MKLN1: variants seen among roughly 807,000 people sequenced by gnomAD.
The protein encoded by MKLN1 is muskelin 1.
MKLN1 carries 18 observed loss-of-function variants against 99.0 expected under a neutral mutation model. The ratio of observed to expected loss-of-function variants is 0.18; its 90% CI spans 0.13 to 0.27. MKLN1 has a LOEUF of 0.27. Among genes scored for constraint, MKLN1 ranks in the 10% least tolerant of loss-of-function variants. The probability of loss-of-function intolerance (pLI) is 1.00; values close to 1 mark genes in which losing one functional copy is unlikely to be tolerated. For missense variants in MKLN1, 621 were observed against 875.9 expected (o/e 0.71, Z 3.67); for synonymous variants, 288 against 293.2 (o/e 0.98, Z 0.18).
chr7:131,377,836 C>T (rs910946146), intron 2 of MKLN1, among the ~76,000 whole-genome samples: 4 of 151,920 alleles, frequency 2.6e-5, no homozygotes, highest in African/African-American at 4.8e-5. Context: ...CATCAGATAC[C>T]CTGAAACATT....
intron 1 of MKLN1, among the ~76,000 whole-genome samples, chr7:131,136,122 G>A (rs115506935): frequency 0.015 from 2,293 of 152,242 alleles, 67 homozygotes; most frequent in African/African-American, 0.053. Flanking sequence ...TCAGAGGGGG[G>A]CCTCAGGGAC....
chr7:131,311,790 T>C (rs1226232313), intron 3 of MKLN1, among the ~76,000 whole-genome samples: 3 of 151,766 alleles, frequency 2.0e-5, no homozygotes, highest in African/African-American at 7.3e-5. Context: ...CCAAAGACCT[T>C]ATAAAGACGG....
intron 3 of MKLN1, among the ~76,000 whole-genome samples, chr7:131,209,607 TA>T (rs1796870804): frequency 2.6e-5 from 4 of 152,218 alleles, no homozygotes; most frequent in Non-Finnish European, 5.9e-5. Context: ...AAGACTCTGA[TA>T]AATCCCTCCC....
intron 3 of MKLN1, chr7:131,243,097 A>C (rs1292446785): frequency 1.2e-5 from 5 of 415,794 alleles, no homozygotes; most frequent in African/African-American, 6.1e-5. Context: ...CGTCCTAGTG[A>C]AGTACATTTG....
chr7:131,353,258 T>A (rs1321816916), intron 1 of MKLN1, among the ~76,000 whole-genome samples: 1 of 152,190 alleles, frequency 6.6e-6, no homozygotes, highest in Non-Finnish European at 1.5e-5. Context: ...CTCTGAATCC[T>A]TGTGAGCATT....
At chr7:131,435,342 T>C (rs1281693660) in intron 9 of MKLN1, among the ~76,000 whole-genome samples, 1 of 152,194 alleles carries the variant, frequency 6.6e-6, no homozygotes, top group Non-Finnish European at 1.5e-5. Flanking sequence ...CTTCCCCATT[T>C]CTTCCTCCTT....
At chr7:131,123,877 G>T (rs1795414971) in intron 1 of MKLN1, among the ~76,000 whole-genome samples, 1 of 152,154 alleles carries the variant, frequency 6.6e-6, no homozygotes, top group Admixed American at 6.5e-5. Flanking sequence ...TAAGTAGGTA[G>T]GTAGGTAGAC....
chr7:131,146,307 A>T (rs1387578814), intron 2 of MKLN1, among the ~76,000 whole-genome samples: 1 of 152,172 alleles, frequency 6.6e-6, no homozygotes, highest in East Asian at 1.9e-4. Flanking sequence ...ATGCCACTGC[A>T]CTCCAGCTTG....
rs1323970805 is a variant in MKLN1, at chr7:131,192,078, CATATATATTATATATATATGTAT to C, written c.-296-10760_-296-10738del. ...CATGTATATATATATTATATATATACATATATATTATATATATATGTATATATATATTATATATATACGTATAT... is the reference window on the plus strand; with the variant it reads ...CATGTATATATATATTATATATATACATATATATTATATATATACGTATAT... On this transcript the variant is annotated intron_variant, in intron 2 of 7. Transcript: ENST00000416992. Among the ~76,000 whole-genome samples, 20 of 84,092 alleles carry C rather than the reference CATATATATTATATATATATGTAT, an allele frequency of 2.4e-4. 2 individuals carry two copies. Among genetic ancestry groups the C allele is most frequent in the Admixed American group, 6.0e-4 (4 of 6,700 alleles). The allele number at this position is 84,092 out of a possible 152,430, so 55.2% of individuals were successfully genotyped here. A position where few individuals can be genotyped will look rare whatever the true frequency, so the allele number is the denominator to read the frequency against.
At chr7:131,481,827 AAAAAAC>A (rs1027882041) in intron 17 of MKLN1, among the ~76,000 whole-genome samples, 1 of 151,910 alleles carries the variant, frequency 6.6e-6, no homozygotes, top group Non-Finnish European at 1.5e-5. Flanking sequence ...AAAAAAAAAA[AAAAAAC>A]CTCAGCCGAA....
chr7:131,375,406 ATACT>A lies in MKLN1; in HGVS notation c.99-16_99-13del. ...CTATTCATGTTCTCTTAATTTTTTA[ATACT>A]TTCTTTATTCCAGGAACATTTTAGT... On this transcript the variant is annotated splice_polypyrimidine_tract_variant and intron_variant, in intron 1 of 17. Transcript: ENST00000352689. 1 of 1,568,780 alleles carries A rather than the reference ATACT, an allele frequency of 6.4e-7. No individual in the cohort carries two copies. The highest frequency in any genetic ancestry group is 8.8e-7 in the Non-Finnish European group (1 of 1,139,240).
upstream of MKLN1, among the ~76,000 whole-genome samples, chr7:131,325,109 T>C (rs1798857845): frequency 6.6e-6 from 1 of 152,102 alleles, no homozygotes; most frequent in African/African-American, 2.4e-5. Flanking sequence ...ATTCATTCAC[T>C]CTTTGATAAA....
chr7:131,286,690 C>T (rs1392431099), intron 3 of MKLN1, among the ~76,000 whole-genome samples: 1 of 152,182 alleles, frequency 6.6e-6, no homozygotes, highest in Non-Finnish European at 1.5e-5. Flanking sequence ...CAAAGATGTA[C>T]AAGACAAGGT....
intron 12 of MKLN1, among the ~76,000 whole-genome samples, chr7:131,458,495 A>C (rs962802956): frequency 6.6e-6 from 1 of 152,210 alleles, no homozygotes; most frequent in Non-Finnish European, 1.5e-5. Flanking sequence ...ATATAAATTC[A>C]GGTATTGTGA....
intron 3 of MKLN1, among the ~76,000 whole-genome samples, chr7:131,258,875 G>A (rs1352868194): frequency 6.6e-6 from 1 of 152,162 alleles, no homozygotes; most frequent in Non-Finnish European, 1.5e-5. Context: ...TTGTAAAAGG[G>A]AAATGATTTA....
intron 3 of MKLN1, among the ~76,000 whole-genome samples, chr7:131,318,980 G>T (rs552558371): frequency 1.3e-5 from 2 of 152,220 alleles, no homozygotes; most frequent in South Asian, 4.1e-4. Context: ...AAAAGCCCAG[G>T]ACCAGAGAGA....
At chr7:131,164,746 T>C (rs1216633036) in intron 2 of MKLN1, among the ~76,000 whole-genome samples, 3 of 152,210 alleles carry the variant, frequency 2.0e-5, no homozygotes, top group Non-Finnish European at 4.4e-5. Flanking sequence ...CAATGAATCA[T>C]AGAAGGAAGA....
At chr7:131,191,844 G>A (rs1241526563) in intron 2 of MKLN1, among the ~76,000 whole-genome samples, 1 of 149,386 alleles carries the variant, frequency 6.7e-6, no homozygotes, top group African/African-American at 2.5e-5. Context: ...CTCTCAAGTA[G>A]CTGGGACTAC....
intron 12 of MKLN1, among the ~76,000 whole-genome samples, chr7:131,456,342 A>T (rs1342867529): frequency 6.6e-6 from 1 of 152,238 alleles, no homozygotes; most frequent in Non-Finnish European, 1.5e-5. Context: ...CTGCCAAAGT[A>T]GCAAACTGAC....
Sources: allele counts gnomAD v4.1 joint callset (sites outside exome capture counted in the v4.1 genomes callset), GRCh38; gene constraint gnomAD v4.1.1; transcripts MANE v1.5; gene names NCBI Gene and HGNC (gene_info 2026-07-23, HGNC 2026-07-21).